UNC5D: variants seen among roughly 807,000 people sequenced by gnomAD.
UNC5D encodes the protein netrin receptor UNC5D.
Under a neutral mutation model 105.4 loss-of-function variants are expected in UNC5D, and 39 were observed. The observed-to-expected ratio is 0.37, with a 90% CI of 0.29 to 0.48. The LOEUF (loss-of-function observed/expected upper bound fraction) is 0.48, where lower values mean the gene tolerates loss of function less well. Ranked by LOEUF, UNC5D falls within the 20% of genes least tolerant of loss-of-function variation. The probability of loss-of-function intolerance (pLI) is 0.98; values close to 1 mark genes in which losing one functional copy is unlikely to be tolerated. For synonymous variants in UNC5D, 452 were observed against 450.4 expected, an observed-to-expected ratio of 1.00 and a Z score of -0.04; for missense variants, 991 against 1,202.4, an observed-to-expected ratio of 0.82 and a Z score of 2.60.
At chr8:35,323,386 T>C (rs560404404) in intron 1 of UNC5D, among the ~76,000 whole-genome samples, 1 of 152,226 alleles carries the variant, frequency 6.6e-6, no homozygotes, top group East Asian at 1.9e-4. Context: ...ACCTTTACTC[T>C]GAGTCACTTG....
chr8:35,644,624 T>C (rs1160558948), intron 4 of UNC5D, among the ~76,000 whole-genome samples: 1 of 152,132 alleles, frequency 6.6e-6, no homozygotes, highest in African/African-American at 2.4e-5. Context: ...ACACTCAGAG[T>C]GCTCACTTTG....
chr8:35,593,440 G>GA lies in UNC5D; in HGVS notation c.467-2110dup, dbSNP rs200820768. 6.6e-3 allele frequency among the ~76,000 whole-genome samples: 996 copies of GA among 151,964 alleles called. 4 individuals are homozygous for GA. Among genetic ancestry groups the GA allele is most frequent in the African/African-American group, 0.022 (924 of 41,430 alleles). The stretch of plus-strand genomic sequence containing the variant: ...AGAAAACAAAGCAATGAAGGAAAAG[G>GA]AAAACAAAAATAACAAACAAACCAA... On this transcript the variant is annotated intron_variant, in intron 3 of 16. Coordinates refer to ENST00000404895, the MANE Select transcript of UNC5D (RefSeq NM_080872.4).
chr8:35,443,607 G>T (rs1457689247), intron 1 of UNC5D, among the ~76,000 whole-genome samples: 1 of 151,834 alleles, frequency 6.6e-6, no homozygotes, highest in Non-Finnish European at 1.5e-5. Flanking sequence ...TCAGAAAGAG[G>T]GCACTGCATC....
chr8:35,746,674 T>C (rs1241464137), intron 11 of UNC5D, among the ~76,000 whole-genome samples: 1 of 152,198 alleles, frequency 6.6e-6, no homozygotes, highest in African/African-American at 2.4e-5. Flanking sequence ...TTAGCTGATT[T>C]CAGTTCATTT....
intron 1 of UNC5D, among the ~76,000 whole-genome samples, chr8:35,345,009 T>C (rs1307656167): frequency 1.3e-5 from 2 of 151,980 alleles, no homozygotes; most frequent in African/African-American, 2.4e-5. Context: ...GGTTAATGGG[T>C]TTGCTGTAGT....
chr8:35,583,529 A>G (rs1818587643), intron 3 of UNC5D, among the ~76,000 whole-genome samples: 1 of 152,092 alleles, frequency 6.6e-6, no homozygotes, highest in South Asian at 2.1e-4. Flanking sequence ...TTTGGTGGCT[A>G]TTTCTGCATT....
intron 1 of UNC5D, among the ~76,000 whole-genome samples, chr8:35,300,446 C>CAAAAAAAAA (rs752599540): frequency 1.4e-4 from 8 of 58,400 alleles, no homozygotes; most frequent in African/African-American, 4.5e-4. Context: ...GACTCCCTCT[C>CAAAAAAAAA]AAAAAAAAAA....
At chr8:35,710,019 C>A (rs1827843722) in intron 8 of UNC5D, among the ~76,000 whole-genome samples, 1 of 152,190 alleles carries the variant, frequency 6.6e-6, no homozygotes, top group Non-Finnish European at 1.5e-5. Context: ...GCTGGGAAAC[C>A]ATTCAGGGCT....
chr8:35,558,003 GCAC>G (rs1816675897), intron 2 of UNC5D, among the ~76,000 whole-genome samples: 2 of 151,866 alleles, frequency 1.3e-5, no homozygotes, highest in Non-Finnish European at 2.9e-5. Flanking sequence ...GTGGTGGTGG[GCAC>G]CTATAATCCC....
chr8:35,631,754 G>C lies in UNC5D; in HGVS notation c.570+36097G>C, dbSNP rs1006110918. Among the ~76,000 whole-genome samples, 5 of 152,288 alleles carry C rather than the reference G, an allele frequency of 3.3e-5. No individual in the cohort carries two copies. In the East Asian group the frequency reaches 7.7e-4, roughly 24 times the overall value. On this transcript the variant is annotated intron_variant, in intron 4 of 16. Transcript: ENST00000404895. Reference sequence around the variant, plus strand: ...CATAATATAAGGATATTGACCATAAGAATCCTTAGGTGGTCTGTTTTATAG... The same window carrying C: ...CATAATATAAGGATATTGACCATAACAATCCTTAGGTGGTCTGTTTTATAG...
intron 1 of UNC5D, among the ~76,000 whole-genome samples, chr8:35,252,302 C>A (rs1217638743): frequency 6.6e-6 from 1 of 152,120 alleles, no homozygotes; most frequent in Non-Finnish European, 1.5e-5. Flanking sequence ...TATCTATGAA[C>A]TTACCACTAT....
At chr8:35,755,474 GTGTA>G (rs1204517032) in intron 13 of UNC5D, among the ~76,000 whole-genome samples, 2 of 148,316 alleles carry the variant, frequency 1.3e-5, no homozygotes, top group Non-Finnish European at 2.9e-5. Flanking sequence ...CATAATTTGT[GTGTA>G]TGTGTGTGTG....
chr8:35,557,546 G>A (rs902809236), intron 2 of UNC5D, among the ~76,000 whole-genome samples: 1 of 152,110 alleles, frequency 6.6e-6, no homozygotes, highest in Non-Finnish European at 1.5e-5. Flanking sequence ...ACTACTTTCA[G>A]TACTATGTTG....
At chr8:35,619,817 T>C (rs974450837) in intron 4 of UNC5D, among the ~76,000 whole-genome samples, 3 of 152,226 alleles carry the variant, frequency 2.0e-5, no homozygotes, top group Non-Finnish European at 4.4e-5. Context: ...GGACTCCTTA[T>C]CTTTAGCAAG....
chr8:35,288,242 A>G (rs899403332), intron 1 of UNC5D, among the ~76,000 whole-genome samples: 1 of 152,168 alleles, frequency 6.6e-6, no homozygotes, highest in African/African-American at 2.4e-5. Flanking sequence ...GCCCCAGTAC[A>G]TCTTTCAGCT....
intron 3 of UNC5D, among the ~76,000 whole-genome samples, chr8:35,584,084 C>T (rs1438248277): frequency 2.0e-5 from 3 of 152,134 alleles, no homozygotes; most frequent in African/African-American, 7.2e-5. Context: ...GATAGATACA[C>T]TTGAGAAGAA....
At chr8:35,569,830 A>G (rs1682882815) in intron 3 of UNC5D, among the ~76,000 whole-genome samples, 1 of 152,172 alleles carries the variant, frequency 6.6e-6, no homozygotes, top group African/African-American at 2.4e-5. Context: ...TCTATCTGCA[A>G]AACAGCAGAG....
intron 1 of UNC5D, among the ~76,000 whole-genome samples, chr8:35,273,517 C>T (rs1255507526): frequency 2.0e-5 from 3 of 152,214 alleles, no homozygotes; most frequent in African/African-American, 7.2e-5. Flanking sequence ...AAACTTCCCT[C>T]TGTGTAAGTC....
chr8:35,575,568 A>G (rs541727047), intron 3 of UNC5D, among the ~76,000 whole-genome samples: 15 of 152,184 alleles, frequency 9.9e-5, no homozygotes, highest in Non-Finnish European at 1.3e-4. Flanking sequence ...GAAGAGGCCT[A>G]AACTGCCCAT....
Sources: allele counts gnomAD v4.1 joint callset (sites outside exome capture counted in the v4.1 genomes callset), GRCh38; gene constraint gnomAD v4.1.1; transcripts MANE v1.5; gene names NCBI Gene and HGNC (gene_info 2026-07-23, HGNC 2026-07-21).